Variants in TCEA2 observed in about 807,000 individuals in gnomAD.
TCEA2 encodes the protein transcription elongation factor A protein 2.
Under a neutral mutation model 40.8 loss-of-function variants are expected in TCEA2, and 21 were observed. That is an observed-to-expected ratio of 0.51 (90% CI 0.36 to 0.74). TCEA2 has a LOEUF of 0.74. Among genes scored for constraint, TCEA2 ranks in the 30% least tolerant of loss-of-function variants. The pLI, the probability that TCEA2 is intolerant of heterozygous loss-of-function variation, is 0.00. For missense variants in TCEA2, 326 were observed against 426.5 expected, an observed-to-expected ratio of 0.76 and a Z score of 2.08; for synonymous variants, 165 against 162.7, an observed-to-expected ratio of 1.01 and a Z score of -0.11.
chr20:64,066,721 T>C (rs1173372122), intron 2 of TCEA2, among the ~76,000 whole-genome samples, 183 bp downstream of exon 2: 1 of 152,212 alleles, frequency 6.6e-6, no homozygotes, highest in Non-Finnish European at 1.5e-5. Flanking sequence ...GAGGGGAGTC[T>C]GAGGATAACC....
At chr20:64,062,420 C>G (rs1233307947), upstream of TCEA2, 4 of 152,302 alleles carry the variant, frequency 2.6e-5, no homozygotes, top group African/African-American at 9.6e-5. Context: ...CATCCCCTCT[C>G]TGTTCTCAGG....
At chr20:64,066,559 G>A (rs1466216917) in intron 2 of TCEA2, 21 bp downstream of exon 2, 1 of 1,610,592 alleles carries the variant, frequency 6.2e-7, no homozygotes, top group Non-Finnish European at 8.5e-7. Flanking sequence ...GCCTGCCCCA[G>A]GTCCAGGACA....
upstream of TCEA2, among the ~76,000 whole-genome samples, chr20:64,055,872 C>A (rs556992426): frequency 6.6e-6 from 1 of 152,212 alleles, no homozygotes; most frequent in South Asian, 2.1e-4. This position sits in a 1 kb window ranked among gnomAD's most constrained non-coding sequence, Gnocchi z 4.0. Context: ...TCTGGGAGGC[C>A]TGGGCCCCTG....
At chr20:64,063,530 A>T (rs1047765409) in intron 1 of TCEA2, 146 bp downstream of exon 1, 1 of 954,708 alleles carries the variant, frequency 1.0e-6, no homozygotes. Context: ...CGCAGGGGAG[A>T]CCCCCACCCG....
Position 64,069,890 on chromosome 20 carries a change from C to T in TCEA2, c.517+69C>T, listed in dbSNP as rs184259118. 6.2e-4 allele frequency: 967 copies of T among 1,572,240 alleles called. 7 individuals carry two copies. The African/African-American group carries it at 0.012, about 19-fold the overall frequency. ...TCAGGAGGCTGCCTGGCCTGGTGCC[C>T]TCTGGTGGCTGCTGGATGCCACTGC... On this transcript the variant is annotated intron_variant, in intron 6 of 9. Transcript: ENST00000343484.
rs2059856499 is a variant in TCEA2 at position 64,072,228 on chromosome 20, C to T, written c.*48C>T. On this transcript the variant is annotated 3_prime_UTR_variant, in exon 10 of 10. Transcript: ENST00000343484. ...GCCTTGGGCCCTCCCCGGCCCACGT[C>T]CTCCGTTGACACAGCTTCTCTGGAG... 1.9e-6 allele frequency: 3 copies of T among 1,595,442 alleles called. No homozygotes were observed. Among genetic ancestry groups the T allele is most frequent in the East Asian group, 2.3e-5 (1 of 44,424 alleles).
At chr20:64,058,443 T>C (rs2059502947), upstream of TCEA2, among the ~76,000 whole-genome samples, 1 of 152,156 alleles carries the variant, frequency 6.6e-6, no homozygotes, top group Non-Finnish European at 1.5e-5. The surrounding 1 kb of genome is among the most constrained non-coding windows in gnomAD (Gnocchi z 6.7). Flanking sequence ...CATGTCAGGC[T>C]CCTCACGAGC....
upstream of TCEA2, among the ~76,000 whole-genome samples, chr20:64,059,990 C>G (rs1424511704): frequency 6.6e-6 from 1 of 152,182 alleles, no homozygotes; most frequent in Non-Finnish European, 1.5e-5. Context: ...CGTGCTGATA[C>G]CCCAGACCCC....
At chr20:64,056,791 C>G (rs1361916754), upstream of TCEA2, 1 of 152,206 alleles carries the variant, frequency 6.6e-6, no homozygotes, top group Non-Finnish European at 1.5e-5. Flanking sequence ...GCCTTTGGGC[C>G]AAAGGTGCGG....
At chr20:64,058,271 C>T (rs1459506232), upstream of TCEA2, among the ~76,000 whole-genome samples, 1 of 152,262 alleles carries the variant, frequency 6.6e-6, no homozygotes, top group Non-Finnish European at 1.5e-5. This position sits in a 1 kb window ranked among gnomAD's most constrained non-coding sequence, Gnocchi z 6.7. Flanking sequence ...ACCTGTCCGA[C>T]CAGGCTCCCC....
At chr20:64,062,704 T>C (rs2059590092), upstream of TCEA2, 1 of 152,268 alleles carries the variant, frequency 6.6e-6, no homozygotes, top group Non-Finnish European at 1.5e-5. Flanking sequence ...GGCCTCCCAG[T>C]GTGCGCGGGC....
upstream of TCEA2, among the ~76,000 whole-genome samples, chr20:64,056,010 C>T (rs1419843551): frequency 6.6e-6 from 1 of 151,994 alleles, no homozygotes; most frequent in Admixed American, 6.6e-5. Context: ...GGCCGCCAGG[C>T]TGGCGGGCTG....
chr20:64,070,464 C>T (rs753415193), intron 7 of TCEA2, 25 bp from the exon 8 acceptor site: 22 of 1,613,476 alleles, frequency 1.4e-5, no homozygotes, highest in Admixed American at 6.7e-5. Context: ...GAGCGGTGGG[C>T]TAAGCCACTG....
At position 64,067,937 on chromosome 20, in the gene TCEA2, T is replaced by G. The variant is rs1395648881; in HGVS notation, c.242-110T>G. The G allele has an allele frequency of 1.5e-5, 12 of 789,592 alleles. No homozygotes were observed. In the South Asian group the frequency reaches 2.3e-4, roughly 15 times the overall value. 48.9% of individuals were successfully genotyped at this position (789,592 alleles called of 1,614,324 possible). A position where few individuals can be genotyped will look rare whatever the true frequency, so the allele number is the denominator to read the frequency against. On this transcript the variant is annotated intron_variant, in intron 3 of 9. Transcript: ENST00000343484. ...TGGGTGAGGGGCTGGGGGCGGGGGC[T>G]GGGGCTGGGGCCGTGTTGGTGGTCG...
intron 1 of TCEA2, chr20:64,063,715 AGCCTGG>A: frequency 3.1e-6 from 1 of 325,438 alleles, no homozygotes; most frequent in Non-Finnish European, 5.7e-6. Flanking sequence ...CCAGACCCCC[AGCCTGG>A]CCCGTCGACT....
At chr20:64,065,235 G>T (rs1366452680) in intron 1 of TCEA2, among the ~76,000 whole-genome samples, 2 of 152,118 alleles carry the variant, frequency 1.3e-5, no homozygotes, top group African/African-American at 2.4e-5. Context: ...TCACCTCAAG[G>T]CTGGACTCTG....
At chr20:64,067,055 C>T (rs1404148284) in intron 3 of TCEA2, 35 bp downstream of exon 3, 2 of 1,576,100 alleles carry the variant, frequency 1.3e-6, no homozygotes, top group African/African-American at 2.7e-5. Context: ...AGTGCTGGGG[C>T]AGGGGTCCCA....
chr20:64,059,386 A>G (rs1181640949), upstream of TCEA2, among the ~76,000 whole-genome samples: 1 of 151,816 alleles, frequency 6.6e-6, no homozygotes, highest in East Asian at 1.9e-4. Context: ...TCGTCTCTAT[A>G]GGCCCTGTCC....
chr20:64,059,684 T>C (rs2059526686), upstream of TCEA2, among the ~76,000 whole-genome samples: 1 of 151,990 alleles, frequency 6.6e-6, no homozygotes, highest in Non-Finnish European at 1.5e-5. Context: ...GGCAGTCGTC[T>C]TTGTTCTCGA....
Sources: allele counts gnomAD v4.1 joint callset (sites outside exome capture counted in the v4.1 genomes callset), GRCh38; gene constraint gnomAD v4.1.1; non-coding constraint Gnocchi (gnomAD v3.1); transcripts MANE v1.5; gene names NCBI Gene and HGNC (gene_info 2026-07-23, HGNC 2026-07-21).